Variants in CREB5 observed in about 807,000 individuals in gnomAD.
The protein encoded by CREB5 is cyclic AMP-responsive element-binding protein 5.
Under a neutral mutation model 57.1 loss-of-function variants are expected in CREB5, and 19 were observed. The ratio of observed to expected loss-of-function variants is 0.33; its 90% CI spans 0.23 to 0.49. The LOEUF is 0.49. Ranked by LOEUF, CREB5 falls within the 20% of genes least tolerant of loss-of-function variation. The pLI, the probability that CREB5 is intolerant of heterozygous loss-of-function variation, is 0.99. For missense variants in CREB5, 579 were observed against 671.6 expected (o/e 0.86, Z 1.52); for synonymous variants, 238 against 238.3 (o/e 1.00, Z 0.01).
intron 7 of CREB5, among the ~76,000 whole-genome samples, chr7:28,725,650 A>G (rs1487848571): frequency 1.3e-5 from 2 of 151,306 alleles, no homozygotes; most frequent in Admixed American, 1.3e-4. Flanking sequence ...TTTTTTAAAA[A>G]AAAAAAAAAA....
At chr7:28,402,466 C>T (rs1485840369) in intron 1 of CREB5, among the ~76,000 whole-genome samples, 2 of 151,976 alleles carry the variant, frequency 1.3e-5, no homozygotes, top group African/African-American at 4.8e-5. Context: ...GTACTGGTGC[C>T]AAAACAGAGA....
chr7:28,378,103 G>T (rs1217864427), intron 1 of CREB5, among the ~76,000 whole-genome samples: 1 of 152,126 alleles, frequency 6.6e-6, no homozygotes, highest in African/African-American at 2.4e-5. Flanking sequence ...CTTAGGGTTA[G>T]TGAACACTGG....
At chr7:28,534,030 G>A (rs577246822) in intron 4 of CREB5, among the ~76,000 whole-genome samples, 1 of 152,298 alleles carries the variant, frequency 6.6e-6, no homozygotes, top group Admixed American at 6.5e-5. Flanking sequence ...AAGCAAATCT[G>A]TATCTATTTT....
chr7:28,818,903 G>A, intron 10 of CREB5: 1 of 597,654 alleles, frequency 1.7e-6, no homozygotes. Flanking sequence ...CAGAAAGCAT[G>A]GCTTTGCTCG....
At chr7:28,353,183 A>C (rs371114980) in intron 1 of CREB5, among the ~76,000 whole-genome samples, 36 of 152,248 alleles carry the variant, frequency 2.4e-4, no homozygotes, top group Middle Eastern at 3.4e-3. Context: ...TGCGCCTCCC[A>C]GGTTCAAGTG....
At chr7:28,560,963 T>TGCGCGCGTGCGTGCGC (rs1194418363) in intron 4 of CREB5, among the ~76,000 whole-genome samples, 2 of 48,108 alleles carry the variant, frequency 4.2e-5, no homozygotes, top group Non-Finnish European at 7.8e-5. Context: ...TGTGTGTGCG[T>TGCGCGCGTGCGTGCGC]GTGTGTGTGC....
intron 7 of CREB5, among the ~76,000 whole-genome samples, chr7:28,791,545 A>G (rs1017587821): frequency 1.3e-5 from 2 of 152,210 alleles, no homozygotes; most frequent in Admixed American, 6.5e-5. Flanking sequence ...GGAATTTTCT[A>G]TATCTCCAAA....
At chr7:28,459,939 T>C (rs1790282236) in intron 1 of CREB5, among the ~76,000 whole-genome samples, 2 of 152,178 alleles carry the variant, frequency 1.3e-5, no homozygotes, top group Non-Finnish European at 2.9e-5. Context: ...CTCAGAGAAG[T>C]AAATGAATGA....
intron 7 of CREB5, among the ~76,000 whole-genome samples, chr7:28,756,133 G>A (rs1269106019): frequency 1.3e-5 from 2 of 152,112 alleles, no homozygotes; most frequent in Non-Finnish European, 2.9e-5. Context: ...CTACCTGCTG[G>A]AACTCATTCA....
At chr7:28,642,289 C>T (rs1161316836) in intron 5 of CREB5, among the ~76,000 whole-genome samples, 1 of 152,144 alleles carries the variant, frequency 6.6e-6, no homozygotes, top group African/African-American at 2.4e-5. Context: ...GAATTTTTGC[C>T]TGTGGAGATT....
At chr7:28,743,972 G>T (rs1171084785) in intron 7 of CREB5, among the ~76,000 whole-genome samples, 1 of 132,426 alleles carries the variant, frequency 7.6e-6, no homozygotes, top group East Asian at 2.3e-4. Flanking sequence ...CTAGCATTAG[G>T]TATATCTCCC....
chr7:28,489,930 G>A (rs1791726579), intron 2 of CREB5, among the ~76,000 whole-genome samples: 3 of 152,214 alleles, frequency 2.0e-5, no homozygotes, highest in African/African-American at 7.2e-5. Flanking sequence ...TGTGGATGCA[G>A]AATGTCACTC....
intron 7 of CREB5, among the ~76,000 whole-genome samples, chr7:28,746,193 AC>A (rs2128760533): frequency 6.6e-6 from 1 of 152,312 alleles, no homozygotes; most frequent in South Asian, 2.1e-4. Context: ...TGAAAGTTCC[AC>A]CATTAATATT....
chr7:28,727,619 GA>G (rs1335492734), intron 7 of CREB5, among the ~76,000 whole-genome samples: 1 of 152,200 alleles, frequency 6.6e-6, no homozygotes, highest in Non-Finnish European at 1.5e-5. Context: ...ATTAAGCTTT[GA>G]AAGAGGTTTT....
At chr7:28,452,940 G>A (rs1562726327) in intron 1 of CREB5, among the ~76,000 whole-genome samples, 1 of 152,212 alleles carries the variant, frequency 6.6e-6, no homozygotes, top group Non-Finnish European at 1.5e-5. Flanking sequence ...TGCCACACTG[G>A]AAGACTGAAG....
intron 4 of CREB5, among the ~76,000 whole-genome samples, chr7:28,554,358 G>A (rs1794780627): frequency 6.6e-6 from 1 of 152,172 alleles, no homozygotes; most frequent in Non-Finnish European, 1.5e-5. Flanking sequence ...GTACTGACAA[G>A]TTTCATTAAA....
intron 1 of CREB5, among the ~76,000 whole-genome samples, chr7:28,339,000 T>G (rs890687533): frequency 6.6e-5 from 10 of 152,114 alleles, no homozygotes; most frequent in Admixed American, 5.9e-4. Flanking sequence ...TAAATTTACC[T>G]GATAGGATTC....
At chr7:28,614,036 G>A (rs1797504765) in intron 5 of CREB5, among the ~76,000 whole-genome samples, 1 of 152,120 alleles carries the variant, frequency 6.6e-6, no homozygotes, top group Admixed American at 6.5e-5. Context: ...ACAGCTCACT[G>A]CGGTCTTTGA....
intron 4 of CREB5, among the ~76,000 whole-genome samples, chr7:28,544,072 G>A (rs1352095930): frequency 6.6e-6 from 1 of 151,666 alleles, no homozygotes; most frequent in African/African-American, 2.4e-5. Context: ...CTTACAGGAG[G>A]CTCATTTTTT....
Sources: gnomAD v4.1 joint callset for allele counts (sites outside exome capture counted in the v4.1 genomes callset) on GRCh38, gnomAD v4.1.1 for gene constraint, MANE v1.5 for transcripts, NCBI Gene and HGNC (gene_info 2026-07-23, HGNC 2026-07-21) for gene names.